NEK11: variants seen among roughly 807,000 people sequenced by gnomAD.
NEK11 encodes serine/threonine-protein kinase Nek11.
A neutral mutation model predicts 80.7 loss-of-function variants in NEK11; 72 were observed. The observed-to-expected ratio is 0.89, with a 90% CI of 0.74 to 1.08. NEK11 has a LOEUF of 1.08. Ranked by LOEUF, NEK11 falls within the 50% of genes least tolerant of loss-of-function variation. NEK11 has a pLI of 0.00. For missense variants in NEK11, 764 were observed against 763.6 expected (o/e 1.00, Z -0.01); for synonymous variants, 251 against 260.7 (o/e 0.96, Z 0.36).
At chr3:131,324,895 C>G (rs1326324638) in intron 17 of NEK11, among the ~76,000 whole-genome samples, 2 of 152,120 alleles carry the variant, frequency 1.3e-5, no homozygotes, top group African/African-American at 4.8e-5. Flanking sequence ...TAAAAAAATT[C>G]TGTAATTCTG....
chr3:131,028,787 C>T (rs190175203), intron 2 of NEK11, among the ~76,000 whole-genome samples: 23 of 152,142 alleles, frequency 1.5e-4, no homozygotes, highest in African/African-American at 5.5e-4. Context: ...ATCTCCTGAC[C>T]TCGTGATCCG....
intron 17 of NEK11, among the ~76,000 whole-genome samples, chr3:131,348,478 G>A (rs570961955): frequency 4.5e-4 from 68 of 151,894 alleles, no homozygotes; most frequent in African/African-American, 1.5e-3. Context: ...GGTCAAAGAC[G>A]GTCAGAAAAT....
intron 17 of NEK11, among the ~76,000 whole-genome samples, chr3:131,335,862 T>C (rs1285234977): frequency 1.3e-5 from 2 of 152,096 alleles, no homozygotes; most frequent in Non-Finnish European, 2.9e-5. Flanking sequence ...TGAACTCCCA[T>C]TCACAATTGC....
chr3:131,092,565 C>T (rs1486206132), intron 4 of NEK11, among the ~76,000 whole-genome samples: 1 of 152,174 alleles, frequency 6.6e-6, no homozygotes, highest in Non-Finnish European at 1.5e-5. Flanking sequence ...GAGATGTTAG[C>T]CACTGCATAC....
intron 17 of NEK11, chr3:131,328,570 C>T (rs944295495): frequency 2.0e-5 from 3 of 152,040 alleles, no homozygotes; most frequent in Non-Finnish European, 4.4e-5. Flanking sequence ...GTAGCACTTC[C>T]GGGCAGACAA....
intron 17 of NEK11, among the ~76,000 whole-genome samples, chr3:131,302,935 AG>A (rs982381984): frequency 2.6e-5 from 4 of 152,116 alleles, no homozygotes; most frequent in African/African-American, 9.7e-5. Flanking sequence ...TGATACTGTC[AG>A]TGGGGTGTTG....
chr3:131,275,193 C>A (rs946390097), intron 17 of NEK11, among the ~76,000 whole-genome samples: 2 of 152,090 alleles, frequency 1.3e-5, no homozygotes, highest in East Asian at 3.9e-4. Context: ...TAGAGGGAAA[C>A]TACCTCCACC....
intron 7 of NEK11, among the ~76,000 whole-genome samples, chr3:131,137,218 C>A (rs925777): frequency 1.3e-5 from 2 of 151,928 alleles, no homozygotes; most frequent in African/African-American, 4.8e-5. Flanking sequence ...GATCTTGGGG[C>A]AGAAGTGTCA....
rs1244400762 is a variant in NEK11 at position 131,164,264 on chromosome 3, A to G, written c.1083-1162A>G. 2.6e-4 allele frequency among the ~76,000 whole-genome samples: 40 copies of G among 152,334 alleles called. No homozygotes were observed. The East Asian group carries it at 7.5e-3, about 29-fold the overall frequency. Reference sequence around the variant, plus strand: ...TTGTTTGCTGATTTCTGTGATATAAATACTTCCACTGTGGCCAATATCAAG... The same window carrying G: ...TTGTTTGCTGATTTCTGTGATATAAGTACTTCCACTGTGGCCAATATCAAG... On this transcript the variant is annotated intron_variant, in intron 11 of 17. Transcript: ENST00000383366.
chr3:131,080,709 G>A, intron 4 of NEK11, 121 bp downstream of exon 4: 1 of 798,942 alleles, frequency 1.3e-6, no homozygotes, highest in Non-Finnish European at 1.9e-6. Context: ...AAAGACCTGG[G>A]ATCCCATGTC....
chr3:131,138,310 G>A (rs1267039174), intron 7 of NEK11, among the ~76,000 whole-genome samples: 1 of 152,214 alleles, frequency 6.6e-6, no homozygotes, highest in Non-Finnish European at 1.5e-5. Context: ...TGGCCATGGG[G>A]TGAAGCTCCT....
intron 14 of NEK11, among the ~76,000 whole-genome samples, chr3:131,172,934 TATA>T (rs1453152940): frequency 6.6e-6 from 1 of 152,178 alleles, no homozygotes; most frequent in Non-Finnish European, 1.5e-5. Flanking sequence ...ATATGTAAAT[TATA>T]ATGCATTAGC....
At chr3:131,121,695 C>G (rs1313762257) in intron 5 of NEK11, among the ~76,000 whole-genome samples, 1 of 152,190 alleles carries the variant, frequency 6.6e-6, no homozygotes, top group Non-Finnish European at 1.5e-5. Flanking sequence ...GTGGACGCCC[C>G]TCCCCCAGCC....
At chr3:131,252,681 G>T (rs570015503) in intron 16 of NEK11, among the ~76,000 whole-genome samples, 46 of 152,026 alleles carry the variant, frequency 3.0e-4, no homozygotes, top group African/African-American at 1.1e-3. Context: ...TTCACACTTG[G>T]GCATGCATCT....
intron 17 of NEK11, 145 bp downstream of exon 17, chr3:131,273,719 CT>C: frequency 1.7e-6 from 1 of 592,568 alleles, no homozygotes; most frequent in Non-Finnish European, 3.0e-6. Context: ...AACTTAGAAA[CT>C]TCTCTCTAAA....
intron 3 of NEK11, among the ~76,000 whole-genome samples, chr3:131,063,890 AG>A (rs1280776572): frequency 1.3e-5 from 2 of 152,218 alleles, no homozygotes; most frequent in African/African-American, 4.8e-5. Context: ...TGTTTACAGC[AG>A]CATTATTCAT....
chr3:131,138,836 C>T (rs1044492558), intron 7 of NEK11, among the ~76,000 whole-genome samples: 1 of 152,126 alleles, frequency 6.6e-6, no homozygotes, highest in African/African-American at 2.4e-5. Flanking sequence ...TGGGGTGGCC[C>T]CAATGCAGAT....
intron 14 of NEK11, among the ~76,000 whole-genome samples, chr3:131,215,278 C>T (rs6794775): frequency 0.26 from 21,506 of 81,202 alleles, 2,225 homozygotes; most frequent in African/African-American, 0.43. Flanking sequence ...TGTTGTGGGG[C>T]GGGGGGAGGG....
chr3:131,160,493 C>G (rs1357336481), intron 10 of NEK11, among the ~76,000 whole-genome samples: 3 of 152,164 alleles, frequency 2.0e-5, no homozygotes, highest in Non-Finnish European at 2.9e-5. Flanking sequence ...TACACAGACT[C>G]TAAGTGACAC....
Sources: allele counts gnomAD v4.1 joint callset (sites outside exome capture counted in the v4.1 genomes callset), GRCh38; gene constraint gnomAD v4.1.1; transcripts MANE v1.5; gene names NCBI Gene and HGNC (gene_info 2026-07-23, HGNC 2026-07-21).